NACC1: variants seen among roughly 807,000 people sequenced by gnomAD.
NACC1 encodes the protein nucleus accumbens-associated protein 1.
In NACC1, 6 loss-of-function variants were observed where a neutral mutation model predicts 41.7. The observed-to-expected ratio is 0.14, with a 90% CI of 0.08 to 0.28. The LOEUF (loss-of-function observed/expected upper bound fraction) is 0.28. NACC1 is among the 10% of genes least tolerant of loss of function. The pLI is 1.00. For missense variants in NACC1, 434 were observed against 763.7 expected, an observed-to-expected ratio of 0.57 and a Z score of 5.09; for synonymous variants, 338 against 330.6, an observed-to-expected ratio of 1.02 and a Z score of -0.24.
Position 13,137,403 on chromosome 19 carries a change from AG to A in NACC1, c.1226+33del, listed in dbSNP as rs751066940. On this transcript the variant is annotated intron_variant, in intron 4 of 5. Coordinates refer to ENST00000292431, the MANE Select transcript of NACC1 (RefSeq NM_052876.4). The surrounding 1 kb of genome is among the most constrained non-coding windows in gnomAD (Gnocchi z 6.1). ...TAAGGCCCTTGCCAGAGCCCCAGGG[AG>A]GGGGGTGGGGTTTCCCCATGTCCCC... is the stretch of plus-strand genomic sequence containing the variant. 26 of 1,477,928 alleles carry A rather than the reference AG, an allele frequency of 1.8e-5. No individual in the cohort carries two copies. Among genetic ancestry groups the A allele is most frequent in the East Asian group, 2.3e-5 (1 of 43,636 alleles). 91.6% of individuals were successfully genotyped at this position (1,477,928 alleles called of 1,614,324 possible). A position where few individuals can be genotyped will look rare whatever the true frequency, so the allele number is the denominator to read the frequency against.
chr19:13,117,455 G>A (rs564133148), upstream of NACC1: 1 of 152,224 alleles, frequency 6.6e-6, no homozygotes, highest in Non-Finnish European at 1.5e-5. Context: ...TCTTATTGTC[G>A]CTTTTGAGCC....
Position 13,140,823 on chromosome 19 carries a change from T to TC in NACC1, c.*2422dup, listed in dbSNP as rs1341566511. On this transcript the variant is annotated 3_prime_UTR_variant, in exon 6 of 6. Transcript: ENST00000292431. This position sits in a 1 kb window ranked among gnomAD's most constrained non-coding sequence, Gnocchi z 4.0. ...CCTCCCCTGCCCTGAGCTGCATGGTTCCCCCACCCTGGGCAGCCAGGAAGG... is the reference window on the plus strand; with the variant it reads ...CCTCCCCTGCCCTGAGCTGCATGGTTCCCCCCACCCTGGGCAGCCAGGAAGG... The TC allele has an allele frequency of 1.3e-5, 2 of 152,422 alleles. No individual in the cohort carries two copies. Among genetic ancestry groups the TC allele is most frequent in the Admixed American group, 1.3e-4 (2 of 15,236 alleles). The allele number at this position is 152,422 out of a possible 1,614,324, so 9.4% of individuals were successfully genotyped here.
rs921018712 is a variant in NACC1, at chr19:13,140,879, G to GA, written c.*2479dup. 4 of 152,564 alleles carry GA rather than the reference G, an allele frequency of 2.6e-5. No homozygotes were observed. Among genetic ancestry groups the GA allele is most frequent in the Admixed American group, 6.6e-5 (1 of 15,256 alleles). The allele number at this position is 152,564 out of a possible 1,614,324, so 9.5% of individuals were successfully genotyped here. ...GAATGGAGAATCACCAACCACCAGA[G>GA]AAAAAAGACTGTGGGGCCCTCCCCT... On this transcript the variant is annotated 3_prime_UTR_variant, in exon 6 of 6. Coordinates refer to ENST00000292431, the MANE Select transcript of NACC1 (RefSeq NM_052876.4). This position sits in a 1 kb window ranked among gnomAD's most constrained non-coding sequence, Gnocchi z 4.0.
intron 1 of NACC1, among the ~76,000 whole-genome samples, chr19:13,119,042 C>T (rs935253084): frequency 9.3e-6 from 1 of 107,140 alleles, no homozygotes; most frequent in Admixed American, 1.3e-4. Context: ...AGATGTTTTC[C>T]GGGGGTCACA....
intron 1 of NACC1, among the ~76,000 whole-genome samples, chr19:13,130,535 CTTTTTTT>C (rs34032574): frequency 2.3e-5 from 3 of 128,620 alleles, no homozygotes; most frequent in Non-Finnish European, 5.0e-5. Context: ...TTTTTCTTTT[CTTTTTTT>C]TTTTTTTTTT....
rs920362660 is a variant in NACC1 at position 13,136,617 on chromosome 19, C to T, written c.1120+212C>T. 6.6e-5 allele frequency among the ~76,000 whole-genome samples: 10 copies of T among 152,126 alleles called. No homozygotes were observed. The highest frequency in any genetic ancestry group is 1.0e-4 in the Non-Finnish European group (7 of 68,020). The stretch of plus-strand genomic sequence containing the variant: ...CCTCTAGGTTTCTGGCTTAAGGGGT[C>T]GGGGCGAGCATTGGCTATTATTGTT... On this transcript the variant is annotated intron_variant, in intron 3 of 5. Coordinates refer to ENST00000292431, the MANE Select transcript of NACC1 (RefSeq NM_052876.4). The surrounding 1 kb of genome is among the most constrained non-coding windows in gnomAD (Gnocchi z 5.5).
rs148939487 is a variant in NACC1 at position 13,135,489 on chromosome 19, G to T, written c.282G>T (p.Val94=). 3.0e-4 allele frequency: 492 copies of T among 1,613,770 alleles called. No individual in the cohort carries two copies. Among genetic ancestry groups the T allele is most frequent in the South Asian group, 4.0e-4 (36 of 91,076 alleles). The change falls in exon 2 of 6, where the codon GTG becomes GTT. Residue 94 remains valine (V), a synonymous_variant. Coordinates refer to ENST00000292431, the MANE Select transcript of NACC1 (RefSeq NM_052876.4). ...FCYTGRLSMN[V]GDQFLLMYTA... is the part of the protein sequence containing the mutation. The stretch of plus-strand genomic sequence containing the variant: ...ACACGGGCCGGCTGAGCATGAACGT[G>T]GGCGACCAGTTCCTGCTCATGTACA...
At position 13,135,399 on chromosome 19, in the gene NACC1, C is replaced by T. The variant is rs753989683; in HGVS notation, c.192C>T (p.Ser64=). The T allele has an allele frequency of 2.4e-5, 38 of 1,613,300 alleles. No individual in the cohort carries two copies. Among genetic ancestry groups the T allele is most frequent in the Admixed American group, 2.2e-4 (13 of 59,988 alleles). ...GGGACCTGTTCAACAACAGCCGCAG[C>T]GCCGTGGTGGAGCTGCCGGCGGCTG... ...YFRDLFNNSR[S]AVVELPAAVQ... Residue 64 remains serine, a synonymous_variant, in exon 2 of 6, where the codon AGC becomes AGT. Coordinates refer to ENST00000292431, the MANE Select transcript of NACC1 (RefSeq NM_052876.4).
At chr19:13,131,693 G>A (rs1411250410) in intron 1 of NACC1, 1 of 152,198 alleles carries the variant, frequency 6.6e-6, no homozygotes, top group East Asian at 1.9e-4. Flanking sequence ...TTGTGTTTTC[G>A]TAGGATGGTG....
At position 13,136,855 on chromosome 19, in the gene NACC1, C is replaced by G. The variant is rs751420914; in HGVS notation, c.1121-416C>G. ...CCTGGGTGACAGAGTGAGACTTCAT[C>G]TCTTAAAAAAAGAAGAAGAAGACTG... On this transcript the variant is annotated intron_variant, in intron 3 of 5. Transcript: ENST00000292431. This position sits in a 1 kb window ranked among gnomAD's most constrained non-coding sequence, Gnocchi z 5.5. 1.3e-5 allele frequency among the ~76,000 whole-genome samples: 2 copies of G among 152,116 alleles called. No homozygotes were observed. The highest frequency in any genetic ancestry group is 2.9e-5 in the Non-Finnish European group (2 of 68,000).
rs1157024222 is a variant in NACC1, at chr19:13,136,898, A to G, written c.1121-373A>G. On this transcript the variant is annotated intron_variant, in intron 3 of 5. Transcript: ENST00000292431. The surrounding 1 kb of genome is among the most constrained non-coding windows in gnomAD (Gnocchi z 5.5). Reference sequence around the variant, plus strand: ...GAAGACTGTGTTTGGTCCTTGGGTCAGAGTGCCTAGGTGTGAGCCTCCACT... The same window carrying G: ...GAAGACTGTGTTTGGTCCTTGGGTCGGAGTGCCTAGGTGTGAGCCTCCACT... 6.6e-6 allele frequency among the ~76,000 whole-genome samples: 1 copy of G among 152,212 alleles called. No homozygotes were observed. Among genetic ancestry groups the G allele is most frequent in the Non-Finnish European group, 1.5e-5 (1 of 68,034 alleles).
rs2019740245 is a variant in NACC1 at position 13,138,542 on chromosome 19, C to T, written c.*136C>T. The T allele has an allele frequency of 7.7e-7, 1 of 1,303,424 alleles. No homozygotes were observed. The highest frequency in any genetic ancestry group is 1.0e-6 in the Non-Finnish European group (1 of 962,230). The allele number at this position is 1,303,424 out of a possible 1,614,324, so 80.7% of individuals were successfully genotyped here. ...TGCATGTTCCCGGCCCTCTGCCCCTCCTGTCCTACCCCCTTTCCCCACCGA... is the reference window on the plus strand; with the variant it reads ...TGCATGTTCCCGGCCCTCTGCCCCTTCTGTCCTACCCCCTTTCCCCACCGA... On this transcript the variant is annotated 3_prime_UTR_variant, in exon 6 of 6. Transcript: ENST00000292431. The surrounding 1 kb of genome is among the most constrained non-coding windows in gnomAD (Gnocchi z 5.7).
intron 1 of NACC1, among the ~76,000 whole-genome samples, chr19:13,121,021 C>T (rs2019483934): frequency 6.6e-6 from 1 of 152,170 alleles, no homozygotes; most frequent in Admixed American, 6.5e-5. Flanking sequence ...AGCTCTCAAG[C>T]GACCAAACTT....
intron 1 of NACC1, among the ~76,000 whole-genome samples, chr19:13,129,005 G>A (rs906377680): frequency 1.3e-5 from 2 of 152,220 alleles, no homozygotes; most frequent in African/African-American, 4.8e-5. Context: ...TCTGCCCTTG[G>A]GGAGTTTATA....
Position 13,137,809 on chromosome 19 carries a change from A to G in NACC1, c.1324+234A>G, listed in dbSNP as rs1194028975. 6.6e-6 allele frequency among the ~76,000 whole-genome samples: 1 copy of G among 152,196 alleles called. No homozygotes were observed. Among genetic ancestry groups the G allele is most frequent in the Non-Finnish European group, 1.5e-5 (1 of 68,026 alleles). The stretch of plus-strand genomic sequence containing the variant: ...TGTCAGGCAGGAGGGTCTCGAACTC[A>G]GGGCAGTCTGGGAGGGATGAGGCAG... On this transcript the variant is annotated intron_variant, in intron 5 of 5. Transcript: ENST00000292431. This position sits in a 1 kb window ranked among gnomAD's most constrained non-coding sequence, Gnocchi z 6.1.
chr19:13,130,334 T>G (rs1256506628), intron 1 of NACC1, among the ~76,000 whole-genome samples: 2 of 152,114 alleles, frequency 1.3e-5, no homozygotes, highest in Non-Finnish European at 2.9e-5. Context: ...TGCTTCTGCC[T>G]CTCAGAGTGC....
At position 13,136,245 on chromosome 19, in the gene NACC1, G is replaced by A. The variant is rs1252205875; in HGVS notation, c.960G>A (p.Glu320=). The A allele has an allele frequency of 2.5e-6, 4 of 1,613,008 alleles. No homozygotes were observed. Among genetic ancestry groups the A allele is most frequent in the South Asian group, 1.1e-5 (1 of 91,002 alleles). The change falls in exon 3 of 6, where the codon GAG becomes GAA. Residue 320 remains glutamate, a synonymous_variant. Coordinates refer to ENST00000292431, the MANE Select transcript of NACC1 (RefSeq NM_052876.4). The surrounding 1 kb of genome is among the most constrained non-coding windows in gnomAD (Gnocchi z 5.5). The part of the protein sequence containing the change: ...MNVGQTAEKV[E]ALPEQVAPES... ...CTCTCCCTGCAGCCGAGAAGGTGGA[G>A]GCCCTCCCGGAGCAGGTAGCCCCCG...
Position 13,138,045 on chromosome 19 carries a change from C to G in NACC1, c.1325-102C>G, listed in dbSNP as rs1356204475. 1.3e-6 allele frequency: 2 copies of G among 1,532,834 alleles called. No individual in the cohort carries two copies. Among genetic ancestry groups the G allele is most frequent in the Non-Finnish European group, 1.8e-6 (2 of 1,133,110 alleles). 95.0% of individuals were successfully genotyped at this position (1,532,834 alleles called of 1,614,324 possible). On this transcript the variant is annotated intron_variant, in intron 5 of 5. Coordinates refer to ENST00000292431, the MANE Select transcript of NACC1 (RefSeq NM_052876.4). This position sits in a 1 kb window ranked among gnomAD's most constrained non-coding sequence, Gnocchi z 5.7. The stretch of plus-strand genomic sequence containing the variant: ...CTGGCCGCGTGGCCTCACTCGTTTC[C>G]CCTTTGAGAGGGAGTCGCAGATGCT...
intron 1 of NACC1, among the ~76,000 whole-genome samples, chr19:13,120,093 C>CG (rs1479672195): frequency 1.3e-5 from 2 of 152,164 alleles, no homozygotes; most frequent in South Asian, 2.1e-4. Flanking sequence ...CTGCTCACCC[C>CG]GGGGGATGGG....
Sources: allele counts gnomAD v4.1 joint callset (sites outside exome capture counted in the v4.1 genomes callset), GRCh38; gene constraint gnomAD v4.1.1; non-coding constraint Gnocchi (gnomAD v3.1); transcripts MANE v1.5; gene names NCBI Gene and HGNC (gene_info 2026-07-23, HGNC 2026-07-21).